Variants in PDSS2 observed in about 807,000 individuals in gnomAD.
PDSS2 encodes decaprenyl diphosphate synthase subunit 2.
A neutral mutation model predicts 44.5 loss-of-function variants in PDSS2; 31 were observed. The ratio of observed to expected loss-of-function variants is 0.70; its 90% CI spans 0.52 to 0.94. The LOEUF (loss-of-function observed/expected upper bound fraction) is 0.94, where lower values mean the gene tolerates loss of function less well. PDSS2 is among the 40% of genes least tolerant of loss of function. The pLI is 0.00. For synonymous variants in PDSS2, 157 were observed against 180.3 expected, an observed-to-expected ratio of 0.87 and a Z score of 1.03; for missense variants, 452 against 482.2, an observed-to-expected ratio of 0.94 and a Z score of 0.59.
chr6:107,343,354 A>C (rs1317980865), intron 1 of PDSS2, among the ~76,000 whole-genome samples: 2 of 152,218 alleles, frequency 1.3e-5, no homozygotes, highest in Non-Finnish European at 2.9e-5. Flanking sequence ...GGAATACTCT[A>C]ATCTTTTCTA....
chr6:107,267,394 T>C (rs1775443372), intron 3 of PDSS2, among the ~76,000 whole-genome samples: 1 of 152,028 alleles, frequency 6.6e-6, no homozygotes, highest in Non-Finnish European at 1.5e-5. Context: ...CCACTGCAAA[T>C]ATGGTGAAAA....
chr6:107,210,426 A>T lies in PDSS2; in HGVS notation c.1008+13T>A. 1 of 1,594,990 alleles carries T rather than the reference A, an allele frequency of 6.3e-7. No individual in the cohort carries two copies. Among genetic ancestry groups the T allele is most frequent in the Non-Finnish European group, 8.6e-7 (1 of 1,163,736 alleles). ...TACTACTGGTACCTAAAACAGGAGT[A>T]ATTTCATTTTACCTCTCCGATCTGT... On this transcript the variant is annotated intron_variant, in intron 6 of 7. Coordinates refer to ENST00000369037, the MANE Select transcript of PDSS2 (RefSeq NM_020381.4).
intron 1 of PDSS2, among the ~76,000 whole-genome samples, chr6:107,372,755 G>T (rs1234247352): frequency 6.6e-6 from 1 of 151,336 alleles, no homozygotes; most frequent in African/African-American, 2.4e-5. Flanking sequence ...CCCGGCCCTA[G>T]TATCACATAA....
chr6:107,334,781 C>G (rs911709686), intron 1 of PDSS2, among the ~76,000 whole-genome samples: 1 of 151,342 alleles, frequency 6.6e-6, no homozygotes, highest in African/African-American at 2.4e-5. Flanking sequence ...CTCCTGGACA[C>G]AAGCAATCTT....
At chr6:107,367,048 A>G (rs1222604944) in intron 1 of PDSS2, among the ~76,000 whole-genome samples, 2 of 152,144 alleles carry the variant, frequency 1.3e-5, no homozygotes, top group East Asian at 3.8e-4. Flanking sequence ...TGACAGATTA[A>G]TATCTCTCAT....
At chr6:107,347,568 A>G (rs1200174969) in intron 1 of PDSS2, among the ~76,000 whole-genome samples, 1 of 152,004 alleles carries the variant, frequency 6.6e-6, no homozygotes, top group African/African-American at 2.4e-5. Context: ...TAGCCTCCTA[A>G]AATTATATCT....
chr6:107,239,683 C>T (rs1326393505), intron 4 of PDSS2, among the ~76,000 whole-genome samples: 1 of 141,022 alleles, frequency 7.1e-6, no homozygotes, highest in Non-Finnish European at 1.5e-5. Flanking sequence ...GCTCTGTTGC[C>T]CAGGCTGGAG....
Position 107,459,560 on chromosome 6 carries a change from G to A in PDSS2, c.-275C>T, listed in dbSNP as rs1161911284. 2.6e-5 allele frequency: 13 copies of A among 494,714 alleles called. No homozygotes were observed. The highest frequency in any genetic ancestry group is 2.1e-4 in the African/African-American group (11 of 51,600). 30.6% of individuals were successfully genotyped at this position (494,714 alleles called of 1,614,324 possible). On this transcript the variant is annotated 5_prime_UTR_variant, in exon 1 of 8. Coordinates refer to ENST00000369037, the MANE Select transcript of PDSS2 (RefSeq NM_020381.4). This position sits in a 1 kb window ranked among gnomAD's most constrained non-coding sequence, Gnocchi z 4.3. ...CCTATGTGGAGGACGCCATATTGGA[G>A]GCATGGAATGCGGCCTGCCGTAAAG...
chr6:107,437,460 G>A (rs1381530273), intron 1 of PDSS2, among the ~76,000 whole-genome samples: 1 of 150,258 alleles, frequency 6.7e-6, no homozygotes, highest in Non-Finnish European at 1.5e-5. Context: ...GAGAGGCAGA[G>A]GCTATAGTGA....
intron 3 of PDSS2, among the ~76,000 whole-genome samples, chr6:107,269,956 C>T (rs1224127565): frequency 6.6e-6 from 1 of 152,066 alleles, no homozygotes; most frequent in African/African-American, 2.4e-5. Flanking sequence ...CGTGAGCCAC[C>T]GTGCCCAAAT....
chr6:107,216,259 G>A (rs1257125095), intron 4 of PDSS2, among the ~76,000 whole-genome samples: 2 of 152,056 alleles, frequency 1.3e-5, no homozygotes, highest in East Asian at 1.9e-4. Context: ...GATCACCTGA[G>A]GTCAAGAGTT....
chr6:107,193,877 T>C, intron 6 of PDSS2, 23 bp from the exon 7 acceptor site: 1 of 1,526,146 alleles, frequency 6.6e-7, no homozygotes, highest in Non-Finnish European at 9.1e-7. Flanking sequence ...AGGGGAAAAT[T>C]AATTTGTTAC....
chr6:107,349,733 G>A (rs1778375556), intron 1 of PDSS2, among the ~76,000 whole-genome samples: 1 of 151,528 alleles, frequency 6.6e-6, no homozygotes, highest in Non-Finnish European at 1.5e-5. Context: ...TGGGTGACAA[G>A]AGTGAAACTC....
intron 4 of PDSS2, among the ~76,000 whole-genome samples, chr6:107,225,155 ATATATATTTTTTTTTTTT>A (rs1282015520): frequency 7.8e-5 from 4 of 51,466 alleles, no homozygotes; most frequent in South Asian, 6.8e-4. Flanking sequence ...ATATATATAT[ATATATATTTTTTTTTTTT>A]TTTTTTTTTT....
At chr6:107,414,113 G>A (rs888002053) in intron 1 of PDSS2, among the ~76,000 whole-genome samples, 6 of 152,258 alleles carry the variant, frequency 3.9e-5, no homozygotes, top group Non-Finnish European at 5.9e-5. Context: ...AGTCATTAGT[G>A]ATCATAGTAA....
At chr6:107,228,731 C>T (rs1334351066) in intron 4 of PDSS2, among the ~76,000 whole-genome samples, 11 of 148,010 alleles carry the variant, frequency 7.4e-5, no homozygotes, top group Non-Finnish European at 1.3e-4. Flanking sequence ...AACAAACAAA[C>T]AAACAAACAA....
Position 107,459,259 on chromosome 6 carries a change from G to C in PDSS2, c.27C>G (p.His9Gln). The change falls in exon 1 of 8, where the codon CAC becomes CAG. Residue 9 changes from histidine to glutamine, a missense_variant. By Grantham distance (24) the His-to-Gln change is conservative. Coordinates refer to ENST00000369037, the MANE Select transcript of PDSS2 (RefSeq NM_020381.4). This position sits in a 1 kb window ranked among gnomAD's most constrained non-coding sequence, Gnocchi z 4.3. ...CCGAGGCTCCAAGATAACGTGGCAA[G>C]TGCAACAGCAGCTGCCGAAAGTTCA... MNFRQLLL[H>Q]LPRYLGASGS... 6.2e-7 allele frequency: 1 copy of C among 1,614,146 alleles called. No homozygotes were observed. The highest frequency in any genetic ancestry group is 1.1e-5 in the South Asian group (1 of 91,086).
At chr6:107,237,911 A>G (rs10085364) in intron 4 of PDSS2, among the ~76,000 whole-genome samples, 5,392 of 151,650 alleles carry the variant, frequency 0.036, 342 homozygotes, top group African/African-American at 0.12. Flanking sequence ...AAAAAAAAAA[A>G]AAAAGAAAAG....
chr6:107,400,912 T>C (rs866142787), intron 1 of PDSS2, among the ~76,000 whole-genome samples: 22 of 152,328 alleles, frequency 1.4e-4, no homozygotes, highest in African/African-American at 5.1e-4. Flanking sequence ...CTTTGTCTCC[T>C]TCCCGAGCAC....
Sources: allele counts gnomAD v4.1 joint callset (sites outside exome capture counted in the v4.1 genomes callset), GRCh38; gene constraint gnomAD v4.1.1; non-coding constraint Gnocchi (gnomAD v3.1); transcripts MANE v1.5; gene names NCBI Gene and HGNC (gene_info 2026-07-23, HGNC 2026-07-21).